The following GCLC variants were observed in gnomAD, a reference collection of about 807,000 sequenced individuals.
GCLC encodes glutamate-cysteine ligase catalytic subunit.
In GCLC, 30 loss-of-function variants were observed where a neutral mutation model predicts 81.5. The observed-to-expected ratio is 0.37, with a 90% CI of 0.28 to 0.50. The LOEUF is 0.50. GCLC is among the 20% of genes least tolerant of loss of function. The pLI, the probability that GCLC is intolerant of heterozygous loss-of-function variation, is 0.96. For missense variants in GCLC, 556 were observed against 777.4 expected, an observed-to-expected ratio of 0.72 and a Z score of 3.39; for synonymous variants, 262 against 273.3, an observed-to-expected ratio of 0.96 and a Z score of 0.41.
intron 6 of GCLC, among the ~76,000 whole-genome samples, chr6:53,511,139 C>CGCAGGACAG (rs1764730731): frequency 6.9e-6 from 1 of 145,626 alleles, no homozygotes; most frequent in Non-Finnish European, 1.5e-5. Context: ...ATCCCAAGTG[C>CGCAGGACAG]GCAGGACAGC....
chr6:53,525,344 C>T (rs1268182204), intron 1 of GCLC, among the ~76,000 whole-genome samples: 1 of 152,152 alleles, frequency 6.6e-6, no homozygotes, highest in Non-Finnish European at 1.5e-5. Context: ...AAAAGTCAAA[C>T]TAGAGCTGAA....
rs10588842 is a variant in GCLC at position 53,538,136 on chromosome 6, CTTTTTTTTTTT to C, written c.150+6349_150+6359del. 3.7e-4 allele frequency among the ~76,000 whole-genome samples: 29 copies of C among 78,912 alleles called. No homozygotes were observed. In the Admixed American group the frequency reaches 4.2e-3, roughly 11 times the overall value. 51.8% of individuals were successfully genotyped at this position (78,912 alleles called of 152,430 possible). A position where few individuals can be genotyped will look rare whatever the true frequency, so the allele number is the denominator to read the frequency against. On this transcript the variant is annotated intron_variant, in intron 1 of 15. Transcript: ENST00000650454. ...AGCTAGGCATTTTCTTTTTTCTTTCCTTTTTTTTTTTTTTTTTTTTTTTTTTTAAAGAGATG... is the reference window on the plus strand; with the variant it reads ...AGCTAGGCATTTTCTTTTTTCTTTCCTTTTTTTTTTTTTTTTAAAGAGATG...
In GCLC at chr6:53,505,847, G is replaced by A. The variant is rs1435057476; in HGVS notation, c.1246C>T (p.Pro416Ser). 1 of 1,612,312 alleles carries A rather than the reference G, an allele frequency of 6.2e-7. No homozygotes were observed. The highest frequency in any genetic ancestry group is 8.5e-7 in the Non-Finnish European group (1 of 1,178,358). ...ACTCTCCATCCAATGTCTGAGTTTGGAGGAGGGGGCTTAAATCTCATTGTC... is the reference window on the plus strand; with the variant it reads ...ACTCTCCATCCAATGTCTGAGTTTGAAGGAGGGGGCTTAAATCTCATTGTC... ...WQTMRFKPPP[P>S]NSDIGWRVEF... Residue 416 changes from proline to serine, a missense_variant, in exon 11 of 16, where the codon CCA becomes TCA. This residue lies in a region of GCLC where 313 missense variants were observed against 437.3 expected (regional missense o/e 0.72). Transcript: ENST00000650454.
At chr6:53,541,931 A>T (rs967082639) in intron 1 of GCLC, among the ~76,000 whole-genome samples, 26 of 152,176 alleles carry the variant, frequency 1.7e-4, no homozygotes, top group African/African-American at 6.3e-4. Context: ...GCAGTTGAAC[A>T]ATCACGGCTC....
At position 53,498,607 on chromosome 6, in the gene GCLC, C is replaced by T. The variant is rs931908860; in HGVS notation, c.*149G>A. On this transcript the variant is annotated 3_prime_UTR_variant, in exon 16 of 16. Coordinates refer to ENST00000650454, the MANE Select transcript of GCLC (RefSeq NM_001498.4). ...CTGTATAAACTCTAGATTTACCTACCAAAGAAAGCCTTAATCAATTTCTGG... is the reference window on the plus strand; with the variant it reads ...CTGTATAAACTCTAGATTTACCTACTAAAGAAAGCCTTAATCAATTTCTGG... 4 of 682,224 alleles carry T rather than the reference C, an allele frequency of 5.9e-6. No homozygotes were observed. Among genetic ancestry groups the T allele is most frequent in the African/African-American group, 1.8e-5 (1 of 56,074 alleles). 42.3% of individuals were successfully genotyped at this position (682,224 alleles called of 1,614,324 possible).
At chr6:53,521,298 G>A (rs1184776743) in intron 2 of GCLC, among the ~76,000 whole-genome samples, 1 of 152,082 alleles carries the variant, frequency 6.6e-6, no homozygotes, top group African/African-American at 2.4e-5. Context: ...GGGATCACAG[G>A]TGTGCCCTAC....
At chr6:53,499,635 A>C (rs183599706) in intron 15 of GCLC, among the ~76,000 whole-genome samples, 2 of 152,286 alleles carry the variant, frequency 1.3e-5, no homozygotes, top group African/African-American at 4.8e-5. Flanking sequence ...CAAAACTAAC[A>C]AAGAAAGGGG....
Position 53,498,987 on chromosome 6 carries a change from GA to G in GCLC, c.1703-21del, listed in dbSNP as rs747590064. ...GTTCTCCTGTGGGCGAGGGGGGAGC[GA>G]AAAAAAAATTAAAACCACGTAAGTT... On this transcript the variant is annotated intron_variant, in intron 15 of 15. Transcript: ENST00000650454. 2.0e-4 allele frequency: 301 copies of G among 1,491,368 alleles called. No homozygotes were observed. The highest frequency in any genetic ancestry group is 2.3e-4 in the Non-Finnish European group (251 of 1,085,804). 92.4% of individuals were successfully genotyped at this position (1,491,368 alleles called of 1,614,324 possible). A position where few individuals can be genotyped will look rare whatever the true frequency, so the allele number is the denominator to read the frequency against.
intron 3 of GCLC, among the ~76,000 whole-genome samples, chr6:53,517,168 C>A (rs376473708): frequency 6.9e-6 from 1 of 145,738 alleles, no homozygotes; most frequent in Non-Finnish European, 1.5e-5. Flanking sequence ...CTCAGTGCAG[C>A]CTTGAACTCC....
In GCLC at chr6:53,544,766, T is replaced by G. The variant is rs918766273; in HGVS notation, c.-121A>C. 2.0e-6 allele frequency: 2 copies of G among 998,106 alleles called. No individual in the cohort carries two copies. The highest frequency in any genetic ancestry group is 3.5e-5 in the African/African-American group (2 of 57,380). The allele number at this position is 998,106 out of a possible 1,614,324, so 61.8% of individuals were successfully genotyped here. A position where few individuals can be genotyped will look rare whatever the true frequency, so the allele number is the denominator to read the frequency against. Reference sequence around the variant, plus strand: ...GCCGCTCCACCCCGCGGGGGCGCTCTCGGGCCGCAGTCGGCGGAGGGAGGG... The same window carrying G: ...GCCGCTCCACCCCGCGGGGGCGCTCGCGGGCCGCAGTCGGCGGAGGGAGGG... On this transcript the variant is annotated 5_prime_UTR_variant, in exon 1 of 16. Transcript: ENST00000650454.
At position 53,505,922 on chromosome 6, in the gene GCLC, C is replaced by T. The variant is rs765702485; in HGVS notation, c.1198-27G>A. The stretch of plus-strand genomic sequence containing the variant: ...TGTGATACAAAAGCAGAGAAGAAAA[C>T]CAACTTTTCACACATCCAGGAAAAT... On this transcript the variant is annotated intron_variant, in intron 10 of 15. Coordinates refer to ENST00000650454, the MANE Select transcript of GCLC (RefSeq NM_001498.4). The T allele has an allele frequency of 2.2e-6, 3 of 1,358,824 alleles. No homozygotes were observed. In the South Asian group the frequency reaches 3.5e-5, roughly 16 times the overall value. 84.2% of individuals were successfully genotyped at this position (1,358,824 alleles called of 1,614,324 possible).
chr6:53,542,352 C>A (rs59382274), intron 1 of GCLC, among the ~76,000 whole-genome samples: 5 of 152,240 alleles, frequency 3.3e-5, no homozygotes, highest in South Asian at 4.1e-4. Context: ...AAACCTATTG[C>A]AAATCTCTCC....
chr6:53,500,680 G>GT (rs1764494250), intron 12 of GCLC, 167 bp from the exon 13 acceptor site: 1 of 644,040 alleles, frequency 1.6e-6, no homozygotes, highest in African/African-American at 1.8e-5. Context: ...TGTGAGGACT[G>GT]TATCACTCAA....
chr6:53,525,087 T>A lies in GCLC; in HGVS notation c.151-2560A>T, dbSNP rs1396642325. ...TACCAAATGAGAAAGAAAACCAAAT[T>A]TACTTTTCAATAGAATAATCATCAG... On this transcript the variant is annotated intron_variant, in intron 1 of 15. Coordinates refer to ENST00000650454, the MANE Select transcript of GCLC (RefSeq NM_001498.4). 2.0e-5 allele frequency among the ~76,000 whole-genome samples: 3 copies of A among 152,280 alleles called. No individual in the cohort carries two copies. The East Asian group carries it at 5.8e-4, about 29-fold the overall frequency.
chr6:53,505,606 C>T (rs1363574176), intron 11 of GCLC, 110 bp from the exon 12 acceptor site: 3 of 760,352 alleles, frequency 3.9e-6, no homozygotes, highest in Non-Finnish European at 7.1e-6. Context: ...TCCTAATTCC[C>T]CATCTGGGTC....
At chr6:53,520,564 A>T (rs1581739942) in intron 3 of GCLC, among the ~76,000 whole-genome samples, 1 of 152,226 alleles carries the variant, frequency 6.6e-6, no homozygotes, top group Middle Eastern at 3.4e-3. Context: ...CACTGAGTGC[A>T]CTCACCACGG....
chr6:53,537,517 T>C (rs923603753), intron 1 of GCLC, among the ~76,000 whole-genome samples: 3 of 151,962 alleles, frequency 2.0e-5, no homozygotes, highest in African/African-American at 7.3e-5. Context: ...AGAAATACGA[T>C]CTAAACAGCT....
intron 1 of GCLC, chr6:53,523,799 A>G (rs181957105): frequency 6.6e-6 from 1 of 152,346 alleles, no homozygotes. Flanking sequence ...TAACTGTAGG[A>G]GATAGCCTAG....
Position 53,506,655 on chromosome 6 carries a change from A to C in GCLC, c.1197+258T>G. 1 of 437,332 alleles carries C rather than the reference A, an allele frequency of 2.3e-6. No individual in the cohort carries two copies. Among genetic ancestry groups the C allele is most frequent in the Non-Finnish European group, 4.1e-6 (1 of 241,552 alleles). The allele number at this position is 437,332 out of a possible 1,614,324, so 27.1% of individuals were successfully genotyped here. A position where few individuals can be genotyped will look rare whatever the true frequency, so the allele number is the denominator to read the frequency against. ...TAGGCAAATAAGAAAATACTGAACA[A>C]TAAAAAAAAAAATTAGAATCAGTGA... is the stretch of plus-strand genomic sequence containing the variant. On this transcript the variant is annotated intron_variant, in intron 10 of 15. Coordinates refer to ENST00000650454, the MANE Select transcript of GCLC (RefSeq NM_001498.4). This position sits in a 1 kb window ranked among gnomAD's most constrained non-coding sequence, Gnocchi z 4.0.
Sources: gnomAD v4.1 joint callset for allele counts (sites outside exome capture counted in the v4.1 genomes callset) on GRCh38, gnomAD v4.1.1 for gene constraint, gnomAD v4.1.1 regional missense constraint, Gnocchi (gnomAD v3.1) non-coding constraint, MANE v1.5 for transcripts, NCBI Gene and HGNC (gene_info 2026-07-23, HGNC 2026-07-21) for gene names.